The following MAGI2 variants were observed in gnomAD, a reference collection of about 807,000 sequenced individuals.
MAGI2 encodes the protein membrane associated guanylate kinase, WW and PDZ domain containing 2.
In MAGI2, 35 loss-of-function variants were observed where a neutral mutation model predicts 133.3. That is an observed-to-expected ratio of 0.26 (90% CI 0.20 to 0.35). The LOEUF is 0.35. Among genes scored for constraint, MAGI2 ranks in the 10% least tolerant of loss-of-function variants. The pLI is 1.00. For synonymous variants in MAGI2, 729 were observed against 710.6 expected (o/e 1.03, Z -0.41); for missense variants, 1,636 against 1,863.4 (o/e 0.88, Z 2.25).
At chr7:78,957,264 CAAAAAAAAAA>C (rs1187620956) in intron 2 of MAGI2, among the ~76,000 whole-genome samples, 29 of 42,662 alleles carry the variant, frequency 6.8e-4, no homozygotes, top group African/African-American at 2.3e-3. Context: ...GACTCCATCT[CAAAAAAAAAA>C]AAAAAAAAAA....
At chr7:78,645,078 C>G (rs1810716041) in intron 2 of MAGI2, among the ~76,000 whole-genome samples, 1 of 151,892 alleles carries the variant, frequency 6.6e-6, no homozygotes, top group African/African-American at 2.4e-5. Context: ...TCCAGGCTCT[C>G]TGTGTACAGT....
rs1442770116 is a variant in MAGI2, at chr7:78,524,200, T to A, written c.539-2555A>T. ...AGGGGGAGCCCTACCGTCCACTGAT[T>A]TTATCTCAGGGGCCTCCCCGGGTAG... On this transcript the variant is annotated intron_variant, in intron 3 of 21. Transcript: ENST00000354212. Among the ~76,000 whole-genome samples the A allele has an allele frequency of 2.0e-5, 3 of 152,228 alleles. No homozygotes were observed. The East Asian group carries it at 5.8e-4, about 29-fold the overall frequency.
chr7:79,252,314 GC>G (rs1326211709), intron 1 of MAGI2, among the ~76,000 whole-genome samples: 1 of 151,992 alleles, frequency 6.6e-6, no homozygotes, highest in Admixed American at 6.6e-5. Flanking sequence ...AGTAAAATAA[GC>G]CAGAAACAAA....
intron 2 of MAGI2, among the ~76,000 whole-genome samples, chr7:78,955,840 A>G (rs1196014925): frequency 6.9e-6 from 1 of 145,708 alleles, no homozygotes; most frequent in Non-Finnish European, 1.5e-5. Flanking sequence ...TAATTTTCTG[A>G]GGTCTCACAG....
intron 1 of MAGI2, among the ~76,000 whole-genome samples, chr7:79,294,369 C>G (rs1041722114): frequency 6.6e-6 from 1 of 151,726 alleles, no homozygotes; most frequent in African/African-American, 2.4e-5. Flanking sequence ...AAAAAAAACT[C>G]AGCAAAGCTA....
At chr7:78,093,142 A>AC (rs1036715473) in intron 20 of MAGI2, among the ~76,000 whole-genome samples, 5 of 146,798 alleles carry the variant, frequency 3.4e-5, no homozygotes, top group African/African-American at 1.3e-4. Flanking sequence ...TCTCCAAAAA[A>AC]AAAAAAAAAA....
At chr7:78,260,321 G>A (rs896592264) in intron 9 of MAGI2, among the ~76,000 whole-genome samples, 3 of 152,140 alleles carry the variant, frequency 2.0e-5, no homozygotes, top group Non-Finnish European at 4.4e-5. Flanking sequence ...GCCATGCCAA[G>A]TCCTCAGACA....
chr7:79,378,686 C>A (rs1843542533), intron 1 of MAGI2, among the ~76,000 whole-genome samples: 2 of 151,252 alleles, frequency 1.3e-5, no homozygotes, highest in African/African-American at 4.9e-5. Context: ...TGGGCAATCA[C>A]AAAGTATATT....
chr7:78,946,375 C>A (rs2193714), intron 2 of MAGI2, among the ~76,000 whole-genome samples: 53,376 of 152,018 alleles, frequency 0.35, 11,463 homozygotes, highest in East Asian at 0.5. Flanking sequence ...GGCACTTGAA[C>A]CTATCATATG....
At chr7:78,369,260 C>T in intron 6 of MAGI2, 47 bp from the exon 7 acceptor site, 1 of 1,301,916 alleles carries the variant, frequency 7.7e-7, no homozygotes, top group Non-Finnish European at 1.1e-6. Context: ...ATCACAATTT[C>T]TAATAAAAAG....
chr7:78,227,815 G>A (rs1255661162), intron 10 of MAGI2, among the ~76,000 whole-genome samples: 1 of 149,390 alleles, frequency 6.7e-6, no homozygotes, highest in Non-Finnish European at 1.5e-5. Context: ...TGAGGAAGTT[G>A]TGTCATAGAA....
intron 7 of MAGI2, among the ~76,000 whole-genome samples, chr7:78,346,266 A>G (rs1790896688): frequency 6.6e-6 from 1 of 152,152 alleles, no homozygotes. Flanking sequence ...ATGTTATTCT[A>G]TTTACATTAT....
chr7:78,758,450 GATTT>G (rs1824176423), intron 2 of MAGI2, among the ~76,000 whole-genome samples: 1 of 152,094 alleles, frequency 6.6e-6, no homozygotes, highest in African/African-American at 2.4e-5. Context: ...TGATTATTCT[GATTT>G]CCATTTTTCA....
intron 3 of MAGI2, among the ~76,000 whole-genome samples, chr7:78,590,224 G>A (rs926416320): frequency 2.0e-5 from 3 of 152,210 alleles, no homozygotes; most frequent in African/African-American, 7.2e-5. Context: ...AGCCATCCAA[G>A]CACAAGTCAC....
At chr7:79,125,992 G>C (rs895159694) in intron 1 of MAGI2, among the ~76,000 whole-genome samples, 1 of 152,226 alleles carries the variant, frequency 6.6e-6, no homozygotes, top group Non-Finnish European at 1.5e-5. Context: ...AAACTTAAGG[G>C]CTGTATTTGT....
At chr7:79,142,685 C>G (rs116821395) in intron 1 of MAGI2, among the ~76,000 whole-genome samples, 1,827 of 152,200 alleles carry the variant, frequency 0.012, 37 homozygotes, top group African/African-American at 0.042. Flanking sequence ...GAGAGCAAGT[C>G]CAGAGACCTG....
intron 9 of MAGI2, among the ~76,000 whole-genome samples, chr7:78,330,898 GAGAC>G (rs1156842397): frequency 6.6e-6 from 1 of 152,158 alleles, no homozygotes; most frequent in Non-Finnish European, 1.5e-5. Context: ...TCAGTTCAGA[GAGAC>G]AGAGTAGTAC....
At chr7:79,012,767 C>T (rs1808292532) in intron 1 of MAGI2, among the ~76,000 whole-genome samples, 1 of 84,960 alleles carries the variant, frequency 1.2e-5, no homozygotes, top group African/African-American at 4.7e-5. Flanking sequence ...TTACTTAAAG[C>T]TGCTATAACA....
Position 79,146,368 on chromosome 7 carries a change from G to C in MAGI2, c.302-139162C>G, listed in dbSNP as rs551438508. Reference sequence around the variant, plus strand: ...GTTGAAATTCAGCTTTCTTATTTTGGAAGTTGCCTCTTATGATCTGGACAT... The same window carrying C: ...GTTGAAATTCAGCTTTCTTATTTTGCAAGTTGCCTCTTATGATCTGGACAT... On this transcript the variant is annotated intron_variant, in intron 1 of 21. Coordinates refer to ENST00000354212, the MANE Select transcript of MAGI2 (RefSeq NM_012301.4). 1.8e-4 allele frequency among the ~76,000 whole-genome samples: 28 copies of C among 152,204 alleles called. No individual in the cohort carries two copies. In the South Asian group the frequency reaches 5.6e-3, roughly 30 times the overall value.
Sources: gnomAD v4.1 joint callset for allele counts (sites outside exome capture counted in the v4.1 genomes callset) on GRCh38, gnomAD v4.1.1 for gene constraint, MANE v1.5 for transcripts, NCBI Gene and HGNC (gene_info 2026-07-23, HGNC 2026-07-21) for gene names.